CGGBP1: variants seen among roughly 807,000 people sequenced by gnomAD.
The protein encoded by CGGBP1 is CGG triplet repeat binding protein 1, also known as CGG triplet repeat-binding protein 1.
In CGGBP1, 4 loss-of-function variants were observed where a neutral mutation model predicts 11.4. That is an observed-to-expected ratio of 0.35 (90% confidence interval 0.17 to 0.80). The LOEUF is 0.80. Among genes scored for constraint, CGGBP1 ranks in the 30% least tolerant of loss-of-function variants. The pLI is 0.52. For missense variants in CGGBP1, 135 were observed against 202.1 expected (o/e 0.67, Z 2.01); for synonymous variants, 76 against 74.1 (o/e 1.03, Z -0.13).
chr3:88,120,759 A>G (rs1705718932), intron 2 of CGGBP1, among the ~76,000 whole-genome samples: 1 of 152,188 alleles, frequency 6.6e-6, no homozygotes, highest in Admixed American at 6.5e-5. Context: ...ACATTTAAAA[A>G]GGATGAAACT....
chr3:88,067,756 C>T (rs759893682), intron 2 of CGGBP1, among the ~76,000 whole-genome samples: 5 of 152,072 alleles, frequency 3.3e-5, no homozygotes, highest in Non-Finnish European at 5.9e-5. Flanking sequence ...GATCAGTAGT[C>T]AGGTTGGAGT....
intron 2 of CGGBP1, among the ~76,000 whole-genome samples, chr3:88,123,436 A>G (rs78681710): frequency 0.041 from 6,254 of 152,258 alleles, 372 homozygotes; most frequent in African/African-American, 0.13. Flanking sequence ...TATATAATTC[A>G]TAATGTAATC....
At chr3:88,063,912 G>A (rs1707040558), upstream of CGGBP1, among the ~76,000 whole-genome samples, 1 of 152,102 alleles carries the variant, frequency 6.6e-6, no homozygotes, top group African/African-American at 2.4e-5. Flanking sequence ...GCAGGAGCTG[G>A]TTGTCTCTGT....
At chr3:88,137,480 T>C (rs1273453338) in intron 2 of CGGBP1, among the ~76,000 whole-genome samples, 1 of 152,098 alleles carries the variant, frequency 6.6e-6, no homozygotes, top group Non-Finnish European at 1.5e-5. Flanking sequence ...ATGCTAACCA[T>C]AGGGAGACAT....
chr3:88,109,142 AG>A (rs1188922298), intron 2 of CGGBP1, among the ~76,000 whole-genome samples: 2 of 142,434 alleles, frequency 1.4e-5, no homozygotes, highest in South Asian at 4.7e-4. Context: ...AGTGGGCACT[AG>A]TGTGTGTGTG....
chr3:88,088,756 GTAT>G (rs71709445), intron 2 of CGGBP1, among the ~76,000 whole-genome samples: 4,701 of 143,586 alleles, frequency 0.033, 82 homozygotes, highest in Non-Finnish European at 0.042. Context: ...ATGTATGTAT[GTAT>G]GTATGGATGG....
intron 3 of CGGBP1, 85 bp from the exon 4 acceptor site, chr3:88,056,084 A>C (rs1706535341): frequency 4.2e-6 from 4 of 941,944 alleles, no homozygotes. Flanking sequence ...GTATATAAAC[A>C]CTTCAAATAC....
intron 2 of CGGBP1, among the ~76,000 whole-genome samples, chr3:88,128,333 T>C (rs1371949257): frequency 1.3e-5 from 2 of 152,142 alleles, no homozygotes; most frequent in Non-Finnish European, 2.9e-5. Flanking sequence ...TTTCTTGTGA[T>C]TCAACTTTTT....
intron 2 of CGGBP1, chr3:88,128,802 A>C (rs1706271654): frequency 6.6e-7 from 1 of 1,524,390 alleles, no homozygotes; most frequent in Non-Finnish European, 8.8e-7. Flanking sequence ...TTTTCTTTTT[A>C]ATATAGTGAA....
At chr3:88,116,193 G>T (rs1705379323) in intron 2 of CGGBP1, among the ~76,000 whole-genome samples, 1 of 152,060 alleles carries the variant, frequency 6.6e-6, no homozygotes, top group African/African-American at 2.4e-5. Context: ...CTAAAGGACA[G>T]AAATCCTGAG....
At chr3:88,071,989 C>G (rs925402375) in intron 2 of CGGBP1, among the ~76,000 whole-genome samples, 7 of 152,132 alleles carry the variant, frequency 4.6e-5, no homozygotes, top group Non-Finnish European at 7.4e-5. Context: ...CATACTTTTT[C>G]TTACTATCAA....
intron 2 of CGGBP1, among the ~76,000 whole-genome samples, chr3:88,077,254 A>G (rs1707855717): frequency 6.6e-6 from 1 of 151,806 alleles, no homozygotes; most frequent in Admixed American, 6.5e-5. Context: ...ACTCACCAAT[A>G]TAGGCAGTGT....
At chr3:88,097,377 A>G in intron 2 of CGGBP1, among the ~76,000 whole-genome samples, 1 of 151,828 alleles carries the variant, frequency 6.6e-6, no homozygotes, top group East Asian at 1.9e-4. Context: ...TTTTTTTTTA[A>G]ATAATGGGAG....
At chr3:88,080,672 A>T (rs1203889829) in intron 2 of CGGBP1, among the ~76,000 whole-genome samples, 1 of 152,118 alleles carries the variant, frequency 6.6e-6, no homozygotes, top group Admixed American at 6.5e-5. Flanking sequence ...TCTTAACCAT[A>T]ATACCTACAG....
chr3:88,062,279 G>A (rs1706928541), upstream of CGGBP1, among the ~76,000 whole-genome samples: 1 of 152,200 alleles, frequency 6.6e-6, no homozygotes, highest in South Asian at 2.1e-4. Flanking sequence ...GCATGAACAA[G>A]TTAAGGTGTC....
intron 2 of CGGBP1, 72 bp downstream of exon 2, chr3:88,057,946 CA>C (rs1706605022): frequency 6.6e-6 from 1 of 152,144 alleles, no homozygotes; most frequent in Admixed American, 6.5e-5. Context: ...AATTAGCCAA[CA>C]AAAGAGAAAA....
chr3:88,141,617 G>C, intron 1 of CGGBP1: 1 of 1,450,186 alleles, frequency 6.9e-7, no homozygotes. Flanking sequence ...AATAAAACTT[G>C]CATTAACAGA....
intron 2 of CGGBP1, among the ~76,000 whole-genome samples, chr3:88,130,795 AG>A (rs1219617827): frequency 6.6e-6 from 1 of 151,960 alleles, no homozygotes; most frequent in Non-Finnish European, 1.5e-5. Flanking sequence ...TCAAACTCAG[AG>A]ATAAGAGTCA....
chr3:88,134,280 G>A (rs1431470303), intron 2 of CGGBP1, among the ~76,000 whole-genome samples: 1 of 152,014 alleles, frequency 6.6e-6, no homozygotes, highest in East Asian at 1.9e-4. Context: ...TTTAATACCT[G>A]TATGTGCTGA....
Sources: gnomAD v4.1 joint callset for allele counts (sites outside exome capture counted in the v4.1 genomes callset) on GRCh38, gnomAD v4.1.1 for gene constraint, MANE v1.5 for transcripts, NCBI Gene and HGNC (gene_info 2026-07-23, HGNC 2026-07-21) for gene names.